The following TAS2R1 variants were observed in gnomAD, a reference collection of about 807,000 sequenced individuals.
The protein encoded by TAS2R1 is taste 2 receptor member 1, also known as taste receptor type 2 member 1.
For missense variants in TAS2R1, 370 were observed against 353.4 expected, an observed-to-expected ratio of 1.05 and a Z score of -0.38; for synonymous variants, 141 against 134.2, an observed-to-expected ratio of 1.05 and a Z score of -0.35.
chr5:9,894,629 T>C, the TAS2R1 span, among the ~76,000 whole-genome samples: 1 of 152,232 alleles, frequency 6.6e-6, no homozygotes, highest in East Asian at 1.9e-4. Context: ...CCATCCAGTC[T>C]GTAGTAATTT....
At chr5:9,791,702 A>C in the TAS2R1 span, among the ~76,000 whole-genome samples, 3 of 152,174 alleles carry the variant, frequency 2.0e-5, no homozygotes, top group African/African-American at 4.8e-5. Flanking sequence ...CCATCTAAAA[A>C]AAGAAAGAAA....
At chr5:9,886,583 C>T in the TAS2R1 span, among the ~76,000 whole-genome samples, 7,001 of 152,104 alleles carry the variant, frequency 0.046, 221 homozygotes, top group Admixed American at 0.094. Flanking sequence ...ATCCGCCCAC[C>T]TCGGCCTCTC....
the TAS2R1 span, among the ~76,000 whole-genome samples, chr5:9,719,724 C>T: frequency 6.6e-6 from 1 of 151,634 alleles, no homozygotes; most frequent in Admixed American, 6.6e-5. Context: ...GTCAGGAAAT[C>T]GAGACCACGG....
the TAS2R1 span, among the ~76,000 whole-genome samples, chr5:9,794,745 A>G: frequency 6.6e-6 from 1 of 152,204 alleles, no homozygotes; most frequent in Non-Finnish European, 1.5e-5. Context: ...TTTGCTTTGA[A>G]ACATAAGTAT....
At chr5:9,842,816 T>C in the TAS2R1 span, among the ~76,000 whole-genome samples, 1 of 151,996 alleles carries the variant, frequency 6.6e-6, no homozygotes, top group Admixed American at 6.6e-5. Context: ...GACCTCTAAT[T>C]ATTGGGTCAT....
intron 1 of TAS2R1, among the ~76,000 whole-genome samples, chr5:9,704,624 T>C (rs1341053278): frequency 6.6e-6 from 1 of 152,136 alleles, no homozygotes; most frequent in Non-Finnish European, 1.5e-5. Flanking sequence ...CATGAAAAAT[T>C]AGTTCACACA....
At chr5:9,833,002 C>A in the TAS2R1 span, among the ~76,000 whole-genome samples, 1 of 152,082 alleles carries the variant, frequency 6.6e-6, no homozygotes, top group African/African-American at 2.4e-5. Flanking sequence ...TCAGGTAAGG[C>A]GGGACGACAA....
chr5:9,740,759 C>T, the TAS2R1 span, among the ~76,000 whole-genome samples: 11 of 152,166 alleles, frequency 7.2e-5, no homozygotes, highest in African/African-American at 1.7e-4. Flanking sequence ...CAGGTAACAC[C>T]GAGGAGTGGG....
chr5:9,900,713 C>T, the TAS2R1 span, among the ~76,000 whole-genome samples: 89 of 150,978 alleles, frequency 5.9e-4, no homozygotes, highest in Admixed American at 4.9e-3. Context: ...CTCCGCGTCC[C>T]GGGTTCATGC....
At chr5:9,824,170 T>C in the TAS2R1 span, among the ~76,000 whole-genome samples, 1 of 152,222 alleles carries the variant, frequency 6.6e-6, no homozygotes, top group South Asian at 2.1e-4. Context: ...CTTCTGCGCC[T>C]GACTCCCCTT....
the TAS2R1 span, among the ~76,000 whole-genome samples, chr5:9,847,368 C>T: frequency 2.0e-5 from 3 of 152,114 alleles, no homozygotes; most frequent in Non-Finnish European, 4.4e-5. Context: ...TAAAATTATA[C>T]CCTCAATACC....
At chr5:9,680,948 A>G (rs1740982857) in intron 1 of TAS2R1, among the ~76,000 whole-genome samples, 1 of 152,154 alleles carries the variant, frequency 6.6e-6, no homozygotes, top group African/African-American at 2.4e-5. Flanking sequence ...CTGTAATCCC[A>G]ACTGCTCGGA....
chr5:9,898,736 G>C, the TAS2R1 span, among the ~76,000 whole-genome samples: 1 of 152,108 alleles, frequency 6.6e-6, no homozygotes, highest in South Asian at 2.1e-4. Flanking sequence ...CCTAGATGAA[G>C]GGCAATACTC....
At chr5:9,889,332 G>A in the TAS2R1 span, among the ~76,000 whole-genome samples, 1 of 152,158 alleles carries the variant, frequency 6.6e-6, no homozygotes, top group African/African-American at 2.4e-5. Flanking sequence ...AAAGCAGGAT[G>A]TCTGGTAGGG....
intron 1 of TAS2R1, among the ~76,000 whole-genome samples, chr5:9,682,833 T>A (rs904762182): frequency 6.6e-5 from 10 of 152,168 alleles, no homozygotes; most frequent in Non-Finnish European, 1.5e-5. Context: ...CTAAAGGGTG[T>A]GGTTACAATC....
At chr5:9,847,959 T>C in the TAS2R1 span, among the ~76,000 whole-genome samples, 36 of 152,200 alleles carry the variant, frequency 2.4e-4, no homozygotes, top group African/African-American at 8.7e-4. Flanking sequence ...TCCTGGGCTC[T>C]ACCTCAGACT....
chr5:9,733,705 C>G, the TAS2R1 span, among the ~76,000 whole-genome samples: 1 of 152,094 alleles, frequency 6.6e-6, no homozygotes, highest in Non-Finnish European at 1.5e-5. Context: ...GAGGATGCAG[C>G]AATTTGTTAT....
the TAS2R1 span, among the ~76,000 whole-genome samples, chr5:9,757,650 T>C: frequency 1.3e-5 from 2 of 152,156 alleles, no homozygotes; most frequent in Non-Finnish European, 2.9e-5. Flanking sequence ...ACTTACACAA[T>C]GTCTAGATAT....
At chr5:9,687,343 G>A (rs575618938) in intron 1 of TAS2R1, among the ~76,000 whole-genome samples, 46 of 152,218 alleles carry the variant, frequency 3.0e-4, no homozygotes, top group South Asian at 2.3e-3. Context: ...AATAACAAAT[G>A]CTACATTTAA....
Sources: allele counts gnomAD v4.1 joint callset (sites outside exome capture counted in the v4.1 genomes callset), GRCh38; gene constraint gnomAD v4.1.1; transcripts MANE v1.5; gene names NCBI Gene and HGNC (gene_info 2026-07-23, HGNC 2026-07-21).